PIK3C2G: variants seen among roughly 807,000 people sequenced by gnomAD.
PIK3C2G encodes the protein phosphatidylinositol-4-phosphate 3-kinase catalytic subunit type 2 gamma.
Under a neutral mutation model 181.1 loss-of-function variants are expected in PIK3C2G, and 168 were observed. The observed-to-expected ratio is 0.93, with a 90% confidence interval of 0.82 to 1.05. PIK3C2G has a LOEUF of 1.05. Among genes scored for constraint, PIK3C2G ranks in the 50% least tolerant of loss-of-function variants. PIK3C2G has a pLI of 0.00. For synonymous variants in PIK3C2G, 573 were observed against 592.2 expected (o/e 0.97, Z 0.47); for missense variants, 1,869 against 1,732.8 (o/e 1.08, Z -1.40).
At chr12:18,700,065 A>G in the PIK3C2G span, 2 of 882,594 alleles carry the variant, frequency 2.3e-6, no homozygotes, top group Non-Finnish European at 3.6e-6. Flanking sequence ...TCATAAGATT[A>G]TCTCCTCAAA....
Position 18,282,508 on chromosome 12 carries a change from A to G in PIK3C2G, c.427A>G (p.Ile143Val). The G allele has an allele frequency of 6.2e-7, 1 of 1,612,400 alleles. No individual in the cohort carries two copies. The highest frequency in any genetic ancestry group is 8.5e-7 in the Non-Finnish European group (1 of 1,178,738). The change falls in exon 2 of 33, where the codon ATT (isoleucine) becomes GTT (valine). Residue 143 changes from isoleucine to valine, a missense_variant. Coordinates refer to ENST00000538779, the MANE Select transcript of PIK3C2G (RefSeq NM_001288772.2). Reference protein sequence around the residue: ...HHGADDSRFSILAPSFTSLDK... With the variant: ...HHGADDSRFSVLAPSFTSLDK... The stretch of plus-strand genomic sequence containing the variant: ...TGGTGCTGATGATTCCAGATTCAGT[A>G]TTTTAGCTCCATCATTCACAAGTTT...
intron 31 of PIK3C2G, among the ~76,000 whole-genome samples, chr12:18,637,835 G>C (rs1056970297): frequency 2.6e-5 from 4 of 152,104 alleles, no homozygotes; most frequent in African/African-American, 9.7e-5. Flanking sequence ...AATCCTTTCT[G>C]CTACATTAAA....
At chr12:18,638,240 A>G (rs1949687779) in intron 31 of PIK3C2G, among the ~76,000 whole-genome samples, 1 of 152,140 alleles carries the variant, frequency 6.6e-6, no homozygotes, top group Non-Finnish European at 1.5e-5. Context: ...AGGAGAATTA[A>G]AATTGTCTTG....
chr12:18,556,543 A>C (rs1410977306), intron 26 of PIK3C2G, among the ~76,000 whole-genome samples: 1 of 152,182 alleles, frequency 6.6e-6, no homozygotes, highest in Non-Finnish European at 1.5e-5. Flanking sequence ...TATGATTCAC[A>C]AAACTTAAAA....
the PIK3C2G span, among the ~76,000 whole-genome samples, chr12:18,720,862 TA>T: frequency 6.6e-6 from 1 of 152,022 alleles, no homozygotes; most frequent in Non-Finnish European, 1.5e-5. Flanking sequence ...AAGCAGCCAT[TA>T]AGAATAATGT....
intron 6 of PIK3C2G, among the ~76,000 whole-genome samples, chr12:18,316,457 G>A (rs1390762783): frequency 1.3e-5 from 2 of 152,100 alleles, no homozygotes; most frequent in African/African-American, 4.8e-5. Flanking sequence ...TATGCCATTT[G>A]AATCACAGTG....
chr12:18,259,391 T>G (rs1948180769), upstream of PIK3C2G, among the ~76,000 whole-genome samples: 2 of 152,108 alleles, frequency 1.3e-5, no homozygotes, highest in Admixed American at 1.3e-4. Flanking sequence ...AAGACAACTC[T>G]GCTAAGTTCT....
rs11285609 is a variant in PIK3C2G at position 18,641,743 on chromosome 12, C to CTTTTT, written c.4308+1205_4308+1209dup. Among the ~76,000 whole-genome samples, 787 of 93,142 alleles carry CTTTTT rather than the reference C, an allele frequency of 8.4e-3. 83 individuals are homozygous for CTTTTT. The highest frequency in any genetic ancestry group is 0.036 in the African/African-American group (732 of 20,314). 61.1% of individuals were successfully genotyped at this position (93,142 alleles called of 152,430 possible). On this transcript the variant is annotated intron_variant, in intron 32 of 32. Coordinates refer to ENST00000538779, the MANE Select transcript of PIK3C2G (RefSeq NM_001288772.2). Reference sequence around the variant, plus strand: ...AAAACCCTGGCTTCTCTCTCTCAAGCTTTTTTTTTTTTTTTTTTTTGAGAT... The same window carrying CTTTTT: ...AAAACCCTGGCTTCTCTCTCTCAAGCTTTTTTTTTTTTTTTTTTTTTTTTTGAGAT...
At chr12:18,664,999 G>A in the PIK3C2G span, among the ~76,000 whole-genome samples, 1 of 110,794 alleles carries the variant, frequency 9.0e-6, no homozygotes, top group African/African-American at 3.6e-5. Context: ...ACACTCTGGG[G>A]ACTGTTGTGG....
the PIK3C2G span, among the ~76,000 whole-genome samples, chr12:18,660,728 A>G: frequency 6.6e-6 from 1 of 152,280 alleles, no homozygotes; most frequent in East Asian, 1.9e-4. Flanking sequence ...TGATATTATT[A>G]GATTCATATA....
intron 16 of PIK3C2G, among the ~76,000 whole-genome samples, chr12:18,411,659 T>C (rs956603353): frequency 2.6e-5 from 4 of 152,208 alleles, no homozygotes; most frequent in Non-Finnish European, 5.9e-5. Flanking sequence ...GCACTTCTGA[T>C]GATTTTCTAA....
the PIK3C2G span, among the ~76,000 whole-genome samples, chr12:18,676,858 G>A: frequency 6.6e-6 from 1 of 152,060 alleles, no homozygotes; most frequent in East Asian, 1.9e-4. Context: ...ATTGATCACA[G>A]CCATGTAAAA....
intron 1 of PIK3C2G, among the ~76,000 whole-genome samples, chr12:18,280,991 G>T (rs143996830): frequency 6.6e-6 from 1 of 151,906 alleles, no homozygotes; most frequent in Non-Finnish European, 1.5e-5. Flanking sequence ...GAGCAGCTGC[G>T]TGAATAATTG....
intron 18 of PIK3C2G, among the ~76,000 whole-genome samples, chr12:18,483,440 C>T (rs7964566): frequency 0.63 from 95,850 of 152,008 alleles, 30,559 homozygotes; most frequent in East Asian, 0.89. Context: ...AAAATAACAA[C>T]AGAATTTTAG....
At chr12:18,662,134 A>G in the PIK3C2G span, among the ~76,000 whole-genome samples, 1 of 152,106 alleles carries the variant, frequency 6.6e-6, no homozygotes, top group Non-Finnish European at 1.5e-5. Flanking sequence ...GAAGATGGAA[A>G]GTGCAAGGAG....
At chr12:18,642,786 C>G (rs1449848196) in intron 32 of PIK3C2G, among the ~76,000 whole-genome samples, 4 of 143,100 alleles carry the variant, frequency 2.8e-5, no homozygotes, top group Non-Finnish European at 4.5e-5. Flanking sequence ...ATAAGTGACA[C>G]TGTGTGTGTG....
chr12:18,664,958 G>A, the PIK3C2G span, among the ~76,000 whole-genome samples: 1 of 139,082 alleles, frequency 7.2e-6, no homozygotes, highest in East Asian at 2.2e-4. Context: ...ATTGAACAAT[G>A]AGGACACATG....
In PIK3C2G at chr12:18,620,519, TAGAC is replaced by T. The variant is rs780792628; in HGVS notation, c.4182+10898_4182+10901del. ...TGCATATGACAGATAGATAAATGATTAGACAGACAGATAGATAGATAGATAGATA... is the reference window on the plus strand; with the variant it reads ...TGCATATGACAGATAGATAAATGATTAGACAGATAGATAGATAGATAGATA... On this transcript the variant is annotated intron_variant, in intron 31 of 32. Transcript: ENST00000538779. 5.9e-5 allele frequency among the ~76,000 whole-genome samples: 8 copies of T among 135,718 alleles called. No individual in the cohort carries two copies. The South Asian group carries it at 7.2e-4, about 12-fold the overall frequency. 89.0% of individuals were successfully genotyped at this position (135,718 alleles called of 152,430 possible). A position where few individuals can be genotyped will look rare whatever the true frequency, so the allele number is the denominator to read the frequency against.
intron 18 of PIK3C2G, among the ~76,000 whole-genome samples, chr12:18,471,248 A>G (rs1454891392): frequency 6.6e-6 from 1 of 152,138 alleles, no homozygotes; most frequent in African/African-American, 2.4e-5. Flanking sequence ...AATTACTGCT[A>G]GGGACCTTAG....
Sources: gnomAD v4.1 joint callset for allele counts (sites outside exome capture counted in the v4.1 genomes callset) on GRCh38, gnomAD v4.1.1 for gene constraint, MANE v1.5 for transcripts, NCBI Gene and HGNC (gene_info 2026-07-23, HGNC 2026-07-21) for gene names.